CASK: variants seen among roughly 807,000 people sequenced by gnomAD.
CASK encodes calcium/calmodulin dependent serine protein kinase.
A neutral mutation model predicts 82.9 loss-of-function variants in CASK; 4 were observed. That is an observed-to-expected ratio of 0.05 (90% CI 0.02 to 0.11). CASK has a LOEUF of 0.11. Ranked by LOEUF, CASK falls within the 10% of genes least tolerant of loss-of-function variation. CASK has a pLI of 1.00. For synonymous variants in CASK, 259 were observed against 253.5 expected (o/e 1.02, Z -0.20); for missense variants, 358 against 720.9 (o/e 0.50, Z 5.76).
chrX:41,869,769 C>T (rs1288382153), intron 1 of CASK, among the ~76,000 whole-genome samples: 2 of 84,927 alleles, frequency 2.4e-5, no homozygotes, highest in Non-Finnish European at 4.3e-5. Flanking sequence ...GCCGAGATCA[C>T]GCCACTGCAT....
At chrX:41,558,786 GT>G (rs2065190636) in intron 18 of CASK, 1 of 111,457 alleles carries the variant, frequency 9.0e-6, no homozygotes, top group South Asian at 3.8e-4. Context: ...ATTTTAATAT[GT>G]ATCTTCAATA....
chrX:41,777,606 T>C (rs2069390077), intron 3 of CASK, among the ~76,000 whole-genome samples: 1 of 111,483 alleles, frequency 9.0e-6, no homozygotes, highest in Non-Finnish European at 1.9e-5. Flanking sequence ...AAGTCCAGAT[T>C]AGTTATTTCT....
intron 1 of CASK, among the ~76,000 whole-genome samples, chrX:41,909,281 A>T (rs1480020276): frequency 8.9e-6 from 1 of 112,302 alleles, no homozygotes; most frequent in Non-Finnish European, 1.9e-5. Context: ...ATGGAACAGG[A>T]TGTGCCATCT....
chrX:41,644,395 C>G lies in CASK; in HGVS notation c.832-7734G>C, dbSNP rs746474707. On this transcript the variant is annotated intron_variant, in intron 8 of 26. Coordinates refer to ENST00000378163, the MANE Select transcript of CASK (RefSeq NM_001367721.1). The stretch of plus-strand genomic sequence containing the variant: ...ACATAAATTGTAAAGATTTCATAGA[C>G]ACTTATCACTTCTTTAATCAATACC... Among the ~76,000 whole-genome samples, 5 of 112,299 alleles carry G rather than the reference C, an allele frequency of 4.5e-5. No homozygotes were observed. In the South Asian group the frequency reaches 1.8e-3, roughly 41 times the overall value.
chrX:41,713,029 A>G (rs925784823), intron 5 of CASK, among the ~76,000 whole-genome samples: 45 of 111,724 alleles, frequency 4.0e-4, no homozygotes, highest in Non-Finnish European at 7.5e-4. Context: ...GAGTAATAAT[A>G]AAACTCCGCT....
At chrX:41,857,227 T>C in intron 1 of CASK, among the ~76,000 whole-genome samples, 1 of 110,771 alleles carries the variant, frequency 9.0e-6, no homozygotes, top group Non-Finnish European at 1.9e-5. Context: ...GTCCTATGCA[T>C]TGTAGGATGT....
intron 12 of CASK, among the ~76,000 whole-genome samples, chrX:41,594,490 G>A (rs1379441495): frequency 2.7e-5 from 3 of 112,098 alleles, no homozygotes; most frequent in Non-Finnish European, 5.6e-5. Flanking sequence ...GGCCCACCTT[G>A]GTACACTAGA....
intron 5 of CASK, among the ~76,000 whole-genome samples, chrX:41,720,584 A>G (rs757245790): frequency 8.9e-6 from 1 of 112,166 alleles, no homozygotes; most frequent in African/African-American, 3.2e-5. Flanking sequence ...CTGATTGGTT[A>G]GTGAGAGTAC....
intron 15 of CASK, among the ~76,000 whole-genome samples, chrX:41,570,010 C>CTTTT (rs397937722): frequency 4.1e-4 from 29 of 70,620 alleles, no homozygotes; most frequent in East Asian, 2.5e-3. Flanking sequence ...TTTCTTTTTT[C>CTTTT]TTTTTTTTTT....
intron 12 of CASK, among the ~76,000 whole-genome samples, chrX:41,594,451 G>A (rs1479400906): frequency 3.6e-5 from 4 of 112,168 alleles, no homozygotes; most frequent in Non-Finnish European, 7.5e-5. Context: ...TTCTCTGGAG[G>A]GATGCTTGCT....
At chrX:41,612,802 G>A (rs2066110567) in intron 11 of CASK, among the ~76,000 whole-genome samples, 2 of 99,473 alleles carry the variant, frequency 2.0e-5, no homozygotes, top group Non-Finnish European at 4.1e-5. Flanking sequence ...GGAAGCTGAG[G>A]GGCGCCTCTG....
At chrX:41,815,363 C>T (rs1490995529) in intron 2 of CASK, among the ~76,000 whole-genome samples, 1 of 110,561 alleles carries the variant, frequency 9.0e-6, no homozygotes, top group Non-Finnish European at 1.9e-5. Context: ...AAAAGAAAAA[C>T]TAGTCAATAC....
At chrX:41,784,101 CTGTT>C (rs2069535146) in intron 3 of CASK, among the ~76,000 whole-genome samples, 1 of 111,706 alleles carries the variant, frequency 9.0e-6, no homozygotes, top group Admixed American at 9.5e-5. Context: ...ATAATTTTGT[CTGTT>C]TGTAAACAAG....
chrX:41,698,881 G>A (rs1023435528), intron 5 of CASK, among the ~76,000 whole-genome samples: 3 of 111,459 alleles, frequency 2.7e-5, no homozygotes, highest in Non-Finnish European at 5.6e-5. Context: ...TCAGAACTGA[G>A]TTTATTTTAA....
At chrX:41,898,190 AG>A in intron 1 of CASK, among the ~76,000 whole-genome samples, 1 of 111,705 alleles carries the variant, frequency 9.0e-6, no homozygotes, top group Non-Finnish European at 1.9e-5. Flanking sequence ...TTCATGATCC[AG>A]TCTTGATAGG....
chrX:41,752,880 A>G (rs1342841267), intron 3 of CASK, among the ~76,000 whole-genome samples: 1 of 111,770 alleles, frequency 8.9e-6, no homozygotes, highest in East Asian at 2.8e-4. Flanking sequence ...TGTGACAAAA[A>G]CCTTAAACAT....
At chrX:41,916,924 A>G in intron 1 of CASK, among the ~76,000 whole-genome samples, 1 of 112,179 alleles carries the variant, frequency 8.9e-6, no homozygotes. Flanking sequence ...CCAAGAGTCT[A>G]TATTTCCATT....
intron 1 of CASK, among the ~76,000 whole-genome samples, chrX:41,901,617 T>C (rs970160992): frequency 2.2e-4 from 25 of 111,841 alleles, no homozygotes; most frequent in African/African-American, 7.8e-4. Context: ...GGCTTGCTGC[T>C]GGAGTTTTCA....
chrX:41,804,270 C>G (rs1277466069), intron 2 of CASK, among the ~76,000 whole-genome samples: 2 of 110,922 alleles, frequency 1.8e-5, no homozygotes, highest in African/African-American at 3.3e-5. Flanking sequence ...ACTGCTTGAA[C>G]CCGGGAGGCG....
Sources: allele counts gnomAD v4.1 joint callset (sites outside exome capture counted in the v4.1 genomes callset), GRCh38; gene constraint gnomAD v4.1.1; transcripts MANE v1.5; gene names NCBI Gene and HGNC (gene_info 2026-07-23, HGNC 2026-07-21).